The following MED12L variants were observed in gnomAD, a reference collection of about 807,000 sequenced individuals.
MED12L encodes mediator complex subunit 12L.
Under a neutral mutation model 281.3 loss-of-function variants are expected in MED12L, and 60 were observed. The ratio of observed to expected loss-of-function variants is 0.21; its 90% confidence interval spans 0.17 to 0.26. MED12L has a LOEUF of 0.26. MED12L is among the 10% of genes least tolerant of loss of function. The pLI is 1.00. For synonymous variants in MED12L, 974 were observed against 987.2 expected (o/e 0.99, Z 0.25); for missense variants, 2,146 against 2,680.9 (o/e 0.80, Z 4.41).
At chr3:151,361,027 A>G (rs115926923) in intron 21 of MED12L, among the ~76,000 whole-genome samples, 2,125 of 152,242 alleles carry the variant, frequency 0.014, 42 homozygotes, top group African/African-American at 0.048. Context: ...AGAAAGATCA[A>G]TGAGGCAGCT....
At chr3:151,198,553 C>T in intron 16 of MED12L, 2 of 1,614,094 alleles carry the variant, frequency 1.2e-6, no homozygotes, top group Non-Finnish European at 1.7e-6. Context: ...GATCAAAGCA[C>T]AGGTTCGACA....
chr3:151,255,693 A>G (rs1737688043), intron 16 of MED12L, among the ~76,000 whole-genome samples: 1 of 152,224 alleles, frequency 6.6e-6, no homozygotes. Context: ...CAAATGAAGA[A>G]AAAATACAGC....
rs1756129115 is a variant in MED12L at position 151,371,107 on chromosome 3, T to C, written c.3665-1460T>C. ...ACATCTAAACTAAATGAGGATCTCCTAGTATGGGGCTAGCAGGTACTGTTT... is the reference window on the plus strand; with the variant it reads ...ACATCTAAACTAAATGAGGATCTCCCAGTATGGGGCTAGCAGGTACTGTTT... On this transcript the variant is annotated intron_variant, in intron 26 of 44. Coordinates refer to ENST00000687756, the MANE Select transcript of MED12L (RefSeq NM_001393769.1). Among the ~76,000 whole-genome samples the C allele has an allele frequency of 2.0e-5, 3 of 152,342 alleles. No individual in the cohort carries two copies. The South Asian group carries it at 6.2e-4, about 32-fold the overall frequency.
intron 44 of MED12L, among the ~76,000 whole-genome samples, chr3:151,432,173 C>T (rs1030250776): frequency 1.3e-5 from 2 of 152,348 alleles, no homozygotes; most frequent in Admixed American, 1.3e-4. Flanking sequence ...GTAGCTGTTT[C>T]TAAGCCCATG....
intron 2 of MED12L, among the ~76,000 whole-genome samples, chr3:151,109,089 G>A (rs1711502043): frequency 6.7e-6 from 1 of 150,206 alleles, no homozygotes; most frequent in Non-Finnish European, 1.5e-5. Flanking sequence ...ATGGAGTCTC[G>A]CTCTGTCGCC....
chr3:151,211,556 G>T (rs2149209275), intron 16 of MED12L, among the ~76,000 whole-genome samples: 1 of 151,652 alleles, frequency 6.6e-6, no homozygotes, highest in Non-Finnish European at 1.5e-5. Context: ...AGATACTGAG[G>T]GAAAAAAAAC....
chr3:151,168,102 G>C (rs1326427753), intron 11 of MED12L, among the ~76,000 whole-genome samples: 3 of 151,918 alleles, frequency 2.0e-5, no homozygotes, highest in Non-Finnish European at 4.4e-5. Context: ...AAAAAATAGG[G>C]GTGTTTTTTC....
At chr3:151,175,355 T>TAAA (rs1721919073) in intron 11 of MED12L, among the ~76,000 whole-genome samples, 1 of 152,236 alleles carries the variant, frequency 6.6e-6, no homozygotes, top group African/African-American at 2.4e-5. Flanking sequence ...CATGTCCTTT[T>TAAA]AGTCTAAGAT....
At chr3:151,160,959 A>G (rs1719903743) in intron 8 of MED12L, among the ~76,000 whole-genome samples, 2 of 152,226 alleles carry the variant, frequency 1.3e-5, no homozygotes, top group African/African-American at 2.4e-5. Context: ...CACTATGGGA[A>G]GAGGCCCAGA....
chr3:151,140,503 A>G (rs534926106), intron 5 of MED12L, among the ~76,000 whole-genome samples: 1 of 152,330 alleles, frequency 6.6e-6, no homozygotes, highest in South Asian at 2.1e-4. Flanking sequence ...CTGTAACTCT[A>G]TGTGCCCGAT....
intron 5 of MED12L, among the ~76,000 whole-genome samples, chr3:151,134,569 A>G (rs982908440): frequency 2.6e-5 from 4 of 152,204 alleles, no homozygotes; most frequent in African/African-American, 9.7e-5. Context: ...ACAATCAAAT[A>G]TTAGAGAAGG....
At chr3:151,092,573 C>T (rs1720195094) in intron 2 of MED12L, among the ~76,000 whole-genome samples, 1 of 152,172 alleles carries the variant, frequency 6.6e-6, no homozygotes, top group Non-Finnish European at 1.5e-5. Flanking sequence ...TGTTAGTTTT[C>T]TTGTTAGCAT....
Position 151,214,003 on chromosome 3 carries a change from A to G in MED12L, c.2250+20337A>G, listed in dbSNP as rs1289966396. 6.2e-6 allele frequency: 10 copies of G among 1,613,998 alleles called. No individual in the cohort carries two copies. In the African/African-American group the frequency reaches 6.7e-5, roughly 11 times the overall value. ...CCCAAAGAACACAATGCTGACGTAC[A>G]TGTTGACGTAGAAGAGCACGGCAGA... On this transcript the variant is annotated intron_variant, in intron 16 of 44. Transcript: ENST00000687756.
At position 151,214,261 on chromosome 3, in the gene MED12L, A is replaced by C. The variant is rs751392738; in HGVS notation, c.2250+20595A>C. ...CACAGGAATGATCTGCTGAGTGATCAGGAGGTTCTGAGAGCAGGATTCATC... is the reference window on the plus strand; with the variant it reads ...CACAGGAATGATCTGCTGAGTGATCCGGAGGTTCTGAGAGCAGGATTCATC... On this transcript the variant is annotated intron_variant, in intron 16 of 44. Transcript: ENST00000687756. The C allele has an allele frequency of 1.9e-6, 3 of 1,614,058 alleles. No individual in the cohort carries two copies. The East Asian group carries it at 6.7e-5, about 36-fold the overall frequency.
At chr3:151,391,592 A>G (rs555951989) in intron 38 of MED12L, among the ~76,000 whole-genome samples, 1 of 152,346 alleles carries the variant, frequency 6.6e-6, no homozygotes, top group Non-Finnish European at 1.5e-5. Flanking sequence ...TACAAAAAAA[A>G]AGAATCACAA....
At chr3:151,202,111 A>G (rs2700471) in intron 16 of MED12L, among the ~76,000 whole-genome samples, 68,029 of 152,130 alleles carry the variant, frequency 0.45, 17,699 homozygotes, top group Non-Finnish European at 0.58. Context: ...CATTTCTCAC[A>G]TTTGTGTTTG....
intron 8 of MED12L, 31 bp from the exon 9 acceptor site, chr3:151,163,862 G>C (rs1463658180): frequency 6.3e-7 from 1 of 1,599,144 alleles, no homozygotes. Flanking sequence ...TCCTTCCTCT[G>C]AACATCCAAC....
intron 16 of MED12L, among the ~76,000 whole-genome samples, chr3:151,322,908 T>G (rs1749155459): frequency 6.6e-6 from 1 of 151,924 alleles, no homozygotes; most frequent in Non-Finnish European, 1.5e-5. Context: ...CTAATCTTAG[T>G]CCTATTTTTG....
chr3:151,214,404 A>C, intron 16 of MED12L: 1 of 1,126,266 alleles, frequency 8.9e-7, no homozygotes, highest in Non-Finnish European at 1.3e-6. Context: ...TTTGCTGAGT[A>C]ATAAGGCAAA....
Sources: allele counts gnomAD v4.1 joint callset (sites outside exome capture counted in the v4.1 genomes callset), GRCh38; gene constraint gnomAD v4.1.1; transcripts MANE v1.5; gene names NCBI Gene and HGNC (gene_info 2026-07-23, HGNC 2026-07-21).